VWA8: variants seen among roughly 807,000 people sequenced by gnomAD.
VWA8 encodes von Willebrand factor A domain-containing protein 8.
VWA8 carries 221 observed loss-of-function variants against 241.5 expected under a neutral mutation model. The observed-to-expected ratio is 0.91, with a 90% CI of 0.82 to 1.02. The LOEUF (loss-of-function observed/expected upper bound fraction) is 1.02. VWA8 is among the 50% of genes least tolerant of loss of function. VWA8 has a pLI of 0.00. For synonymous variants in VWA8, 852 were observed against 827.1 expected, an observed-to-expected ratio of 1.03 and a Z score of -0.52; for missense variants, 2,322 against 2,328.7, an observed-to-expected ratio of 1.00 and a Z score of 0.06.
intron 12 of VWA8, among the ~76,000 whole-genome samples, chr13:41,834,673 C>A (rs990009278): frequency 6.6e-6 from 1 of 152,118 alleles, no homozygotes; most frequent in Admixed American, 6.5e-5. Flanking sequence ...GACAGTGTGG[C>A]AATTCCTCAA....
At chr13:41,627,131 T>C (rs9594592) in intron 37 of VWA8, among the ~76,000 whole-genome samples, 5,731 of 152,036 alleles carry the variant, frequency 0.038, 371 homozygotes, top group African/African-American at 0.13. Flanking sequence ...CAAAAGAAGA[T>C]GTACACGTGG....
At chr13:41,592,115 A>C (rs9525531) in intron 40 of VWA8, among the ~76,000 whole-genome samples, 1 of 144,952 alleles carries the variant, frequency 6.9e-6, no homozygotes, top group African/African-American at 2.6e-5. Flanking sequence ...GCACATATAC[A>C]CCATGGAATA....
chr13:41,676,438 C>T (rs747882493), intron 35 of VWA8, among the ~76,000 whole-genome samples: 2 of 152,058 alleles, frequency 1.3e-5, no homozygotes, highest in Admixed American at 6.5e-5. Context: ...TCTTCAACCG[C>T]CAAACATACT....
At position 41,570,682 on chromosome 13, in the gene VWA8, A is replaced by G. The variant is rs766440974; in HGVS notation, c.5395T>C (p.Cys1799Arg). 3.7e-6 allele frequency: 6 copies of G among 1,614,084 alleles called. No homozygotes were observed. The highest frequency in any genetic ancestry group is 2.2e-5 in the East Asian group (1 of 44,884). ...TCTAACGTGTGGTCCCCACTCATGC[A>G]GAACTGAGAGTGGGCATGCATTGTC... ...LKTMHAHSQF[C>R]MSGDHTLEGT... The change falls in exon 44 of 45, where the codon TGC becomes CGC. Residue 1799 changes from cysteine to arginine, a missense_variant. Transcript: ENST00000379310.
chr13:41,692,998 G>C (rs776855035), intron 29 of VWA8, 26 bp from the exon 30 acceptor site: 35 of 1,333,202 alleles, frequency 2.6e-5, no homozygotes, highest in Non-Finnish European at 3.4e-5. Context: ...ACAGTGAAAA[G>C]CTCAAGATTT....
At chr13:41,821,684 T>C (rs1242242538) in intron 14 of VWA8, among the ~76,000 whole-genome samples, 2 of 152,122 alleles carry the variant, frequency 1.3e-5, no homozygotes, top group Non-Finnish European at 2.9e-5. Flanking sequence ...GACAAAAAGA[T>C]ATTATTTCCT....
chr13:41,871,519 T>TATGAGTGAGAATG (rs1873613466), intron 9 of VWA8, among the ~76,000 whole-genome samples: 1 of 152,170 alleles, frequency 6.6e-6, no homozygotes, highest in Non-Finnish European at 1.5e-5. Flanking sequence ...TGTGTTCTCA[T>TATGAGTGAGAATG]TGTTCCATTC....
intron 35 of VWA8, among the ~76,000 whole-genome samples, chr13:41,678,336 T>C (rs758201279): frequency 1.2e-4 from 18 of 152,376 alleles, no homozygotes; most frequent in Admixed American, 2.6e-4. Context: ...TTGCACAAAA[T>C]GAATATGCTT....
chr13:41,693,730 A>G (rs2045194646), intron 29 of VWA8, among the ~76,000 whole-genome samples: 2 of 152,078 alleles, frequency 1.3e-5, no homozygotes, highest in African/African-American at 4.8e-5. Context: ...ACTGAAATAC[A>G]TGAAATAAAA....
chr13:41,912,774 T>C (rs749015047), intron 2 of VWA8, among the ~76,000 whole-genome samples: 7 of 152,188 alleles, frequency 4.6e-5, no homozygotes, highest in South Asian at 2.1e-4. Context: ...CCAAATTCTT[T>C]TGTGAATAGA....
intron 2 of VWA8, among the ~76,000 whole-genome samples, chr13:41,921,788 CACAA>C (rs1362180472): frequency 6.6e-6 from 1 of 152,122 alleles, no homozygotes; most frequent in Admixed American, 6.6e-5. Flanking sequence ...TAAAAGAGGA[CACAA>C]ACAAATGGAA....
intron 2 of VWA8, among the ~76,000 whole-genome samples, chr13:41,944,616 A>C (rs997594168): frequency 2.6e-5 from 4 of 152,200 alleles, no homozygotes; most frequent in African/African-American, 7.2e-5. Context: ...TTTTACAACA[A>C]ACTGTCCATA....
At chr13:41,758,398 G>GTATGTATATA (rs1555331263) in intron 21 of VWA8, among the ~76,000 whole-genome samples, 2 of 25,020 alleles carry the variant, frequency 8.0e-5, no homozygotes, top group Admixed American at 5.7e-4. Flanking sequence ...ATATACGCTA[G>GTATGTATATA]TATATATATA....
At chr13:41,949,302 A>C (rs1286031144) in intron 2 of VWA8, among the ~76,000 whole-genome samples, 2 of 152,216 alleles carry the variant, frequency 1.3e-5, no homozygotes, top group African/African-American at 4.8e-5. Context: ...GCCATAAAAA[A>C]TGATGAGTTC....
chr13:41,663,715 A>C (rs2044967501), intron 37 of VWA8, among the ~76,000 whole-genome samples: 1 of 151,914 alleles, frequency 6.6e-6, no homozygotes, highest in Admixed American at 6.6e-5. Flanking sequence ...TGCTATCATA[A>C]ACAAATCAAT....
At chr13:41,711,332 T>C in intron 26 of VWA8, among the ~76,000 whole-genome samples, 1 of 152,180 alleles carries the variant, frequency 6.6e-6, no homozygotes, top group East Asian at 1.9e-4. Flanking sequence ...CCAAAAAGGT[T>C]TGTCCAGATC....
chr13:41,602,641 A>G (rs917625598), intron 40 of VWA8, among the ~76,000 whole-genome samples: 6 of 152,136 alleles, frequency 3.9e-5, no homozygotes, highest in African/African-American at 1.4e-4. Context: ...AAGTACAATG[A>G]AGGTAACAAT....
At position 41,857,927 on chromosome 13, in the gene VWA8, T is replaced by C. The variant is rs146629054; in HGVS notation, c.1425+7809A>G. Among the ~76,000 whole-genome samples the C allele has an allele frequency of 5.6e-4, 86 of 152,310 alleles. 1 individual carries two copies. The highest frequency in any genetic ancestry group is 2.9e-3 in the Admixed American group (44 of 15,306). The stretch of plus-strand genomic sequence containing the variant: ...ATATGGGTGGGCTTCATCTAATCAG[T>C]TGGAGGCCTGAGTAGAACAAAAAGG... On this transcript the variant is annotated intron_variant, in intron 12 of 44. Coordinates refer to ENST00000379310, the MANE Select transcript of VWA8 (RefSeq NM_015058.2).
chr13:41,950,812 G>A (rs1878101041), intron 1 of VWA8, among the ~76,000 whole-genome samples: 1 of 151,690 alleles, frequency 6.6e-6, no homozygotes, highest in South Asian at 2.1e-4. Flanking sequence ...GGGATTACAG[G>A]TATGTGCCAC....
Sources: allele counts gnomAD v4.1 joint callset (sites outside exome capture counted in the v4.1 genomes callset), GRCh38; gene constraint gnomAD v4.1.1; transcripts MANE v1.5; gene names NCBI Gene and HGNC (gene_info 2026-07-23, HGNC 2026-07-21).